The following ZRANB3 variants were observed in gnomAD, a reference collection of about 807,000 sequenced individuals.
ZRANB3 encodes zinc finger RANBP2-type containing 3.
In ZRANB3, 125 loss-of-function variants were observed where a neutral mutation model predicts 133.8. The ratio of observed to expected loss-of-function variants is 0.93; its 90% confidence interval spans 0.81 to 1.08. The LOEUF is 1.08. ZRANB3 is among the 50% of genes least tolerant of loss of function. The pLI is 0.00. For missense variants in ZRANB3, 1,229 were observed against 1,275.5 expected (o/e 0.96, Z 0.56); for synonymous variants, 387 against 432.7 (o/e 0.89, Z 1.31).
chr2:135,528,445 A>G (rs996215997), intron 1 of ZRANB3, among the ~76,000 whole-genome samples: 12 of 152,086 alleles, frequency 7.9e-5, no homozygotes, highest in African/African-American at 2.9e-4. Flanking sequence ...ACCAGGTCAG[A>G]CCTCTACAAG....
At chr2:135,439,561 A>G (rs1201791768) in intron 2 of ZRANB3, among the ~76,000 whole-genome samples, 1 of 152,152 alleles carries the variant, frequency 6.6e-6, no homozygotes, top group African/African-American at 2.4e-5. Context: ...CTTCATTTTC[A>G]CAATGATAAT....
chr2:135,499,273 G>A (rs1010222087), intron 2 of ZRANB3, among the ~76,000 whole-genome samples: 1 of 152,182 alleles, frequency 6.6e-6, no homozygotes, highest in Non-Finnish European at 1.5e-5. Flanking sequence ...CCAAACAGTA[G>A]TAGACAAAGA....
chr2:135,443,677 C>A (rs1253187541), intron 2 of ZRANB3, among the ~76,000 whole-genome samples: 1 of 152,020 alleles, frequency 6.6e-6, no homozygotes, highest in African/African-American at 2.4e-5. Flanking sequence ...GAACATCAGA[C>A]AAATCCGACG....
rs544112973 is a variant in ZRANB3 at position 135,494,990 on chromosome 2, T to C, written c.161+9339A>G. On this transcript the variant is annotated intron_variant, in intron 2 of 20. Transcript: ENST00000264159. ...TGGCTCATGCCTGTAATCCTAGCAC[T>C]TTGGGAGGCCAAAGCAGGAAGATCA... Among the ~76,000 whole-genome samples the C allele has an allele frequency of 8.1e-4, 124 of 152,304 alleles. 1 individual carries two copies. The highest frequency in any genetic ancestry group is 2.6e-3 in the African/African-American group (110 of 41,578).
chr2:135,312,138 T>A (rs923431289), intron 8 of ZRANB3, among the ~76,000 whole-genome samples: 2 of 99,314 alleles, frequency 2.0e-5, no homozygotes, highest in Non-Finnish European at 1.8e-5. Context: ...ATTTTATTAT[T>A]TTATTTTATT....
At chr2:135,243,289 G>C (rs1332870571) in intron 12 of ZRANB3, among the ~76,000 whole-genome samples, 1 of 152,216 alleles carries the variant, frequency 6.6e-6, no homozygotes, top group Admixed American at 6.5e-5. Context: ...GCCAAGGTGA[G>C]TGGATCATGA....
chr2:135,237,014 TG>T (rs1695318068), intron 12 of ZRANB3, among the ~76,000 whole-genome samples: 1 of 151,860 alleles, frequency 6.6e-6, no homozygotes, highest in African/African-American at 2.4e-5. Context: ...ACCTACAGAA[TG>T]GGAGAAAATT....
chr2:135,228,858 CA>C (rs1694869122), intron 13 of ZRANB3, among the ~76,000 whole-genome samples: 1 of 152,068 alleles, frequency 6.6e-6, no homozygotes, highest in South Asian at 2.1e-4. Context: ...TTCTTATTCA[CA>C]AAAGGTAGTT....
intron 2 of ZRANB3, among the ~76,000 whole-genome samples, chr2:135,417,526 G>C (rs1199689527): frequency 1.3e-5 from 2 of 152,168 alleles, no homozygotes; most frequent in Non-Finnish European, 2.9e-5. Context: ...CTGTAAACTA[G>C]TTCAGCCATT....
At chr2:135,368,790 TA>T (rs1011335945) in intron 3 of ZRANB3, among the ~76,000 whole-genome samples, 2 of 151,774 alleles carry the variant, frequency 1.3e-5, no homozygotes, top group Non-Finnish European at 2.9e-5. Context: ...AATTAAAAAT[TA>T]AAAAAAGACA....
chr2:135,363,449 T>C (rs1159349755), intron 3 of ZRANB3, among the ~76,000 whole-genome samples: 1 of 152,266 alleles, frequency 6.6e-6, no homozygotes, highest in Non-Finnish European at 1.5e-5. Context: ...AGATAAAATT[T>C]GAAGTTCAGA....
chr2:135,418,939 T>C (rs1377575584), intron 2 of ZRANB3, among the ~76,000 whole-genome samples: 1 of 131,568 alleles, frequency 7.6e-6, no homozygotes, highest in African/African-American at 3.0e-5. Context: ...TTTTTTTTTT[T>C]TTTTTTTTTT....
intron 14 of ZRANB3, among the ~76,000 whole-genome samples, chr2:135,226,229 A>T (rs1694756977): frequency 6.6e-6 from 1 of 152,214 alleles, no homozygotes; most frequent in Non-Finnish European, 1.5e-5. Flanking sequence ...TGTTGCCATG[A>T]AGTGTAAATT....
intron 12 of ZRANB3, among the ~76,000 whole-genome samples, chr2:135,253,336 A>G (rs1304785003): frequency 6.6e-6 from 1 of 152,152 alleles, no homozygotes; most frequent in African/African-American, 2.4e-5. Context: ...CTGTGACCCA[A>G]CCAAGTTCTC....
At chr2:135,256,430 A>G (rs1044231850) in intron 12 of ZRANB3, among the ~76,000 whole-genome samples, 6 of 152,008 alleles carry the variant, frequency 3.9e-5, no homozygotes, top group Admixed American at 3.9e-4. Flanking sequence ...CCGGGTATAG[A>G]CAATTCTCCT....
chr2:135,523,409 T>G (rs1694025447), intron 1 of ZRANB3, among the ~76,000 whole-genome samples: 1 of 152,226 alleles, frequency 6.6e-6, no homozygotes, highest in Admixed American at 6.5e-5. Context: ...AATTGGCAAT[T>G]ATTCTTCTCT....
rs1689271723 is a variant in ZRANB3 at position 135,430,459 on chromosome 2, G to GT, written c.162-39640dup. Among the ~76,000 whole-genome samples the GT allele has an allele frequency of 2.6e-5, 4 of 151,280 alleles. No homozygotes were observed. In the South Asian group the frequency reaches 8.3e-4, roughly 32 times the overall value. ...TAAAAAAAAAAAACCCAAACACATA[G>GT]TAAGGTGCAGAGTTTTAGAGCATAT... On this transcript the variant is annotated intron_variant, in intron 2 of 20. Coordinates refer to ENST00000264159, the MANE Select transcript of ZRANB3 (RefSeq NM_032143.4).
intron 6 of ZRANB3, among the ~76,000 whole-genome samples, chr2:135,327,634 G>C (rs970628374): frequency 6.6e-6 from 1 of 151,916 alleles, no homozygotes; most frequent in Non-Finnish European, 1.5e-5. Flanking sequence ...GGTGTCAAAG[G>C]GTGTTTATAT....
chr2:135,256,155 T>C (rs768428734), intron 12 of ZRANB3, among the ~76,000 whole-genome samples: 1 of 152,098 alleles, frequency 6.6e-6, no homozygotes, highest in Non-Finnish European at 1.5e-5. Context: ...CAGCAGTCAC[T>C]GCCCATCCTC....
Sources: allele counts gnomAD v4.1 joint callset (sites outside exome capture counted in the v4.1 genomes callset), GRCh38; gene constraint gnomAD v4.1.1; transcripts MANE v1.5; gene names NCBI Gene and HGNC (gene_info 2026-07-23, HGNC 2026-07-21).